VRK3: variants seen among roughly 807,000 people sequenced by gnomAD.
VRK3 encodes serine/threonine-protein kinase VRK3.
In VRK3, 50 loss-of-function variants were observed where a neutral mutation model predicts 60.4. The observed-to-expected ratio is 0.83, with a 90% CI of 0.66 to 1.05. The LOEUF (loss-of-function observed/expected upper bound fraction) is 1.05, where lower values mean the gene tolerates loss of function less well. Ranked by LOEUF, VRK3 falls within the 50% of genes least tolerant of loss-of-function variation. The probability of loss-of-function intolerance (pLI) is 0.00; values close to 1 mark genes in which losing one functional copy is unlikely to be tolerated. For missense variants in VRK3, 549 were observed against 585.3 expected (o/e 0.94, Z 0.64); for synonymous variants, 246 against 227.8 (o/e 1.08, Z -0.72).
chr19:49,993,249 G>T (rs2076642968), intron 9 of VRK3, among the ~76,000 whole-genome samples: 1 of 152,178 alleles, frequency 6.6e-6, no homozygotes, highest in Non-Finnish European at 1.5e-5. Context: ...AGGGGTTAAT[G>T]TCTCTCTGCA....
chr19:50,001,943 C>G lies in VRK3; in HGVS notation c.548-1089G>C, dbSNP rs76416122. 4.4e-3 allele frequency among the ~76,000 whole-genome samples: 668 copies of G among 152,212 alleles called. 6 individuals carry two copies. Among genetic ancestry groups the G allele is most frequent in the African/African-American group, 0.015 (637 of 41,508 alleles). ...CAGCAAGAGTCTGCATCCCCCTTCA[C>G]GCACACTGCTCAGTGAACCCACTCA... is the stretch of plus-strand genomic sequence containing the variant. On this transcript the variant is annotated intron_variant, in intron 5 of 14. Transcript: ENST00000316763.
At chr19:50,006,258 C>T (rs2076889084) in intron 5 of VRK3, among the ~76,000 whole-genome samples, 3 of 151,224 alleles carry the variant, frequency 2.0e-5, no homozygotes, top group Admixed American at 1.3e-4. Flanking sequence ...TGTTAAAAGC[C>T]GAGATCGTGC....
In VRK3 at chr19:49,997,866, T is replaced by C. The variant is rs141186474; in HGVS notation, c.613-296A>G. On this transcript the variant is annotated intron_variant, in intron 6 of 14. Transcript: ENST00000316763. ...TCCTTTGCAGTGAGGACTGACCACA[T>C]GACCAAGTTCTGGCCAATGAGGATG... is the stretch of plus-strand genomic sequence containing the variant. 2.0e-3 allele frequency: 543 copies of C among 264,916 alleles called. 3 individuals carry two copies. The highest frequency in any genetic ancestry group is 0.011 in the African/African-American group (490 of 44,884). 16.4% of individuals were successfully genotyped at this position (264,916 alleles called of 1,614,324 possible).
chr19:49,992,938 C>T lies in VRK3; in HGVS notation c.885G>A (p.Glu295=). ...GAACATACTCATTCTCATGGAGGAA[C>T]TCCAGGGCATCCAGCTGGGGGAAGA... ...QVACRLLDAL[E]FLHENEYVHG... Residue 295 remains glutamate (E), a synonymous_variant, in exon 10 of 15, where the codon GAG becomes GAA. Coordinates refer to ENST00000316763, the MANE Select transcript of VRK3 (RefSeq NM_016440.4). 1 of 1,612,762 alleles carries T rather than the reference C, an allele frequency of 6.2e-7. No homozygotes were observed. Among genetic ancestry groups the T allele is most frequent in the Admixed American group, 1.7e-5 (1 of 60,024 alleles).
intron 13 of VRK3, among the ~76,000 whole-genome samples, chr19:49,980,514 G>A (rs911133096): frequency 6.6e-6 from 1 of 151,896 alleles, no homozygotes; most frequent in African/African-American, 2.4e-5. Context: ...CCAGGGGTTC[G>A]AGACCAGCCT....
chr19:50,021,185 T>A (rs2077165377), intron 1 of VRK3, among the ~76,000 whole-genome samples: 1 of 152,180 alleles, frequency 6.6e-6, no homozygotes, highest in African/African-American at 2.4e-5. Context: ...TATCACCACT[T>A]CATAGGAGAG....
chr19:50,007,172 C>T (rs952702489), intron 5 of VRK3, among the ~76,000 whole-genome samples: 10 of 152,118 alleles, frequency 6.6e-5, no homozygotes, highest in Admixed American at 2.0e-4. Context: ...TCATCAGTCT[C>T]GATGTTTGAA....
At chr19:49,994,966 G>C (rs748254752) in intron 8 of VRK3, 47 bp from the exon 9 acceptor site, 1 of 1,566,116 alleles carries the variant, frequency 6.4e-7, no homozygotes, top group South Asian at 1.1e-5. Flanking sequence ...ACAGGGGAGA[G>C]AGGAGTACCG....
chr19:50,006,406 C>T (rs1198916965), intron 5 of VRK3, among the ~76,000 whole-genome samples: 2 of 151,078 alleles, frequency 1.3e-5, no homozygotes, highest in African/African-American at 4.9e-5. Flanking sequence ...GACGGAGTCT[C>T]GCTCTGTCAC....
At chr19:49,978,779 G>A (rs1329399980) in intron 14 of VRK3, 3 of 255,560 alleles carry the variant, frequency 1.2e-5, no homozygotes, top group Admixed American at 4.8e-5. Context: ...GACAAACAAC[G>A]TCTTGATGCT....
At chr19:49,989,865 C>T (rs1254502945) in intron 10 of VRK3, 94 bp from the exon 11 acceptor site, 2 of 1,378,186 alleles carry the variant, frequency 1.5e-6, no homozygotes, top group South Asian at 1.7e-5. Flanking sequence ...AAACATTCTA[C>T]CAAAGATGGC....
At chr19:50,012,158 A>G (rs2077005443) in intron 3 of VRK3, among the ~76,000 whole-genome samples, 2 of 151,954 alleles carry the variant, frequency 1.3e-5, no homozygotes, top group Admixed American at 6.6e-5. Context: ...TTTAGCAGAG[A>G]CAGGGTTTCT....
intron 2 of VRK3, chr19:50,019,442 T>C (rs1442732674): frequency 6.6e-6 from 1 of 151,374 alleles, no homozygotes; most frequent in Non-Finnish European, 1.5e-5. Context: ...AAATAATGTG[T>C]GATTGTGATA....
chr19:49,992,862 G>T lies in VRK3; in HGVS notation c.961C>A (p.Gln321Lys), dbSNP rs1228615583. 1 of 1,614,028 alleles carries T rather than the reference G, an allele frequency of 6.2e-7. No homozygotes were observed. The highest frequency in any genetic ancestry group is 1.1e-5 in the South Asian group (1 of 91,074). The change falls in exon 10 of 15, where the codon CAG becomes AAG. Residue 321 changes from glutamine to lysine, a missense_variant and splice_region_variant. Coordinates refer to ENST00000316763, the MANE Select transcript of VRK3 (RefSeq NM_016440.4). ...NIFVDPEDQS[Q>K]VTLAGYGFAF... ...AGTGGGCAGGAGCTGGCTCTTACCT[G>T]ACTCTGGTCCTCTGGATCCACAAAG... is the stretch of plus-strand genomic sequence containing the variant.
chr19:50,000,834 T>G lies in VRK3; in HGVS notation c.568A>C (p.Thr190Pro), dbSNP rs561783871. 6.2e-6 allele frequency: 10 copies of G among 1,613,748 alleles called. No individual in the cohort carries two copies. The South Asian group carries it at 9.9e-5, about 16-fold the overall frequency. The change falls in exon 6 of 15, where the codon ACC (threonine) becomes CCC (proline). Residue 190 changes from threonine (T) to proline (P), a missense_variant. By Grantham distance (38) the Thr-to-Pro change is conservative (BLOSUM62 -1). Transcript: ENST00000316763. ...TGCTTCTGTGGTCCTGAGTCACAGGTGAGGGTGGAGGTGGGTGCAGCTGTG... is the reference window on the plus strand; with the variant it reads ...TGCTTCTGTGGTCCTGAGTCACAGGGGAGGGTGGAGGTGGGTGCAGCTGTG... ...LYEAAPTSTLTCDSGPQKQKF... is the reference protein window; with the variant it reads ...LYEAAPTSTLPCDSGPQKQKF...
intron 5 of VRK3, among the ~76,000 whole-genome samples, chr19:50,004,113 T>C (rs1422526923): frequency 6.6e-6 from 1 of 152,194 alleles, no homozygotes; most frequent in Non-Finnish European, 1.5e-5. Flanking sequence ...TTTGCTATTT[T>C]TATCAAACAA....
rs751674087 is a variant in VRK3, at chr19:49,979,116, A to G, written c.1403T>C (p.Ile468Thr). Reference protein sequence around the residue: ...QDLRVSPYDPIGLPMVP With the variant: ...QDLRVSPYDPTGLPMVP Reference sequence around the variant, plus strand: ...CACCTAGGGCACCATCGGGAGGCCAATGGGGTCATATGGAGACACACGCAG... The same window carrying G: ...CACCTAGGGCACCATCGGGAGGCCAGTGGGGTCATATGGAGACACACGCAG... Residue 468 changes from isoleucine to threonine, a missense_variant, in exon 14 of 15, where the codon ATT becomes ACT. Ile to Thr is a moderately conservative substitution (Grantham distance 89). Coordinates refer to ENST00000316763, the MANE Select transcript of VRK3 (RefSeq NM_016440.4). The G allele has an allele frequency of 1.3e-5, 21 of 1,612,364 alleles. No homozygotes were observed. In the Admixed American group the frequency reaches 3.5e-4, roughly 27 times the overall value.
intron 13 of VRK3, 56 bp from the exon 14 acceptor site, chr19:49,979,298 G>A (rs2076383615): frequency 8.7e-6 from 14 of 1,610,432 alleles, no homozygotes; most frequent in African/African-American, 1.3e-5. Context: ...CCCCAACCCC[G>A]ATCCTGGGGG....
At position 49,976,642 on chromosome 19, in the gene VRK3, C is replaced by G. The variant is rs192773954; in HGVS notation, c.*154G>C. 7.9e-5 allele frequency: 12 copies of G among 152,728 alleles called. No individual in the cohort carries two copies. The East Asian group carries it at 1.7e-3, about 22-fold the overall frequency. 9.5% of individuals were successfully genotyped at this position (152,728 alleles called of 1,614,324 possible). On this transcript the variant is annotated 3_prime_UTR_variant, in exon 15 of 15. Transcript: ENST00000316763. Reference sequence around the variant, plus strand: ...AACTGGGGCCCTCCGGGAGGCTAATCAGGACTGATGAGTATCCTGAAACCA... The same window carrying G: ...AACTGGGGCCCTCCGGGAGGCTAATGAGGACTGATGAGTATCCTGAAACCA...
Sources: allele counts gnomAD v4.1 joint callset (sites outside exome capture counted in the v4.1 genomes callset), GRCh38; gene constraint gnomAD v4.1.1; transcripts MANE v1.5; gene names NCBI Gene and HGNC (gene_info 2026-07-23, HGNC 2026-07-21).